RNF14: variants seen among roughly 807,000 people sequenced by gnomAD.
The protein encoded by RNF14 is ring finger protein 14.
RNF14 carries 26 observed loss-of-function variants against 52.6 expected under a neutral mutation model. The ratio of observed to expected loss-of-function variants is 0.49; its 90% CI spans 0.36 to 0.69. The LOEUF (loss-of-function observed/expected upper bound fraction) is 0.69, where lower values mean the gene tolerates loss of function less well. Ranked by LOEUF, RNF14 falls within the 30% of genes least tolerant of loss-of-function variation. The pLI is 0.00. For missense variants in RNF14, 404 were observed against 560.4 expected (o/e 0.72, Z 2.82); for synonymous variants, 194 against 202.0 (o/e 0.96, Z 0.34).
chr5:141,963,549 A>G (rs1421663778), upstream of RNF14, among the ~76,000 whole-genome samples: 2 of 152,200 alleles, frequency 1.3e-5, no homozygotes, highest in East Asian at 3.8e-4. Flanking sequence ...GGGTGACTCC[A>G]AGATCGAACT....
At chr5:141,968,397 A>G (rs1463561918), upstream of RNF14, among the ~76,000 whole-genome samples, 1 of 152,034 alleles carries the variant, frequency 6.6e-6, no homozygotes, top group Non-Finnish European at 1.5e-5. Context: ...GAGCCACCGC[A>G]CCCGGCCTTC....
rs1311084699 is a variant in RNF14 at position 141,978,536 on chromosome 5, G to A, written c.540G>A (p.Glu180=). ...CTGCTGGATCTGATGTAGACCAAGA[G>A]GAAATTGTGGATGAGAGAGCAGTGC... is the stretch of plus-strand genomic sequence containing the variant. ...GGAAGSDVDQ[E]EIVDERAVQD... The change falls in exon 5 of 9, where the codon GAG becomes GAA. Residue 180 remains glutamate (E), a synonymous_variant. Transcript: ENST00000394520. 6.2e-7 allele frequency: 1 copy of A among 1,614,156 alleles called. No homozygotes were observed.
chr5:141,963,559 T>C (rs1204315522), upstream of RNF14, among the ~76,000 whole-genome samples: 2 of 152,224 alleles, frequency 1.3e-5, no homozygotes, highest in African/African-American at 4.8e-5. Context: ...AAGATCGAAC[T>C]GTTTTACACG....
upstream of RNF14, chr5:141,955,821 T>G: frequency 6.2e-7 from 1 of 1,613,998 alleles, no homozygotes; most frequent in Non-Finnish European, 8.5e-7. The surrounding 1 kb of genome is among the most constrained non-coding windows in gnomAD (Gnocchi z 5.5). Context: ...CCTGGTCCTC[T>G]ACTACTATCT....
chr5:141,972,384 C>G (rs1391409272), intron 2 of RNF14, among the ~76,000 whole-genome samples: 1 of 151,934 alleles, frequency 6.6e-6, no homozygotes, highest in African/African-American at 2.4e-5. Flanking sequence ...CAAGCACCAC[C>G]ACACCTGGCT....
upstream of RNF14, chr5:141,956,768 G>A: frequency 2.5e-6 from 4 of 1,614,244 alleles, no homozygotes; most frequent in Non-Finnish European, 3.4e-6. Flanking sequence ...TCTGACACCA[G>A]TGATGGCTGG....
upstream of RNF14, among the ~76,000 whole-genome samples, chr5:141,965,298 A>G (rs941073039): frequency 6.6e-6 from 1 of 152,144 alleles, no homozygotes; most frequent in Admixed American, 6.5e-5. Flanking sequence ...TAACCCCTAT[A>G]GTGACAAGCC....
upstream of RNF14, chr5:141,955,533 T>G: frequency 6.2e-7 from 1 of 1,614,194 alleles, no homozygotes; most frequent in South Asian, 1.1e-5. The surrounding 1 kb of genome is among the most constrained non-coding windows in gnomAD (Gnocchi z 5.5). Flanking sequence ...GGTGGATGTC[T>G]GCCTTCTGAA....
chr5:141,958,078 C>T, upstream of RNF14: 1 of 564,978 alleles, frequency 1.8e-6, no homozygotes, highest in South Asian at 2.3e-5. Flanking sequence ...CAAGAATTGC[C>T]AGGGGAGACC....
chr5:141,960,073 AT>A (rs1753247934), intron 1 of RNF14, among the ~76,000 whole-genome samples: 1 of 152,116 alleles, frequency 6.6e-6, no homozygotes, highest in Admixed American at 6.5e-5. Flanking sequence ...CAGGAATCCC[AT>A]TTCTCAGGTC....
intron 8 of RNF14, 89 bp downstream of exon 8, chr5:141,985,022 G>A (rs985415585): frequency 3.4e-6 from 4 of 1,162,808 alleles, no homozygotes; most frequent in African/African-American, 3.1e-5. Flanking sequence ...TTAAGTACTT[G>A]GACTTATTTA....
Position 141,974,829 on chromosome 5 carries a change from TA to T in RNF14, c.181del (p.Ser61ValfsTer15), listed in dbSNP as rs1754105620. On this transcript the variant is annotated frameshift_variant, in exon 4 of 9. Transcript: ENST00000394520. LOFTEE classifies it high-confidence loss of function. ...SGNSNECLQN[S>X]GFEYTICFLP... ...GCAATTCAAATGAGTGTCTCCAGAA[TA>T]GTGGCTTTGAATACACCATTTGCTT... 1 of 1,613,940 alleles carries T rather than the reference TA, an allele frequency of 6.2e-7. No homozygotes were observed. The highest frequency in any genetic ancestry group is 8.5e-7 in the Non-Finnish European group (1 of 1,179,942).
the RNF14 span, chr5:141,949,438 T>TG: frequency 1.2e-6 from 2 of 1,613,230 alleles, no homozygotes; most frequent in Non-Finnish European, 1.7e-6. Context: ...CTACCTGTGC[T>TG]GGGGTCCAGC....
At chr5:141,956,276 C>T (rs1229402865), upstream of RNF14, 1 of 1,614,100 alleles carries the variant, frequency 6.2e-7, no homozygotes, top group African/African-American at 1.3e-5. Context: ...GCCATCTCTT[C>T]ATAGTTCAGT....
chr5:141,968,168 G>A (rs1454447319), upstream of RNF14, among the ~76,000 whole-genome samples: 5 of 150,124 alleles, frequency 3.3e-5, no homozygotes, highest in Admixed American at 2.6e-4. Flanking sequence ...CTAGGCTGGA[G>A]TGCAGTGACT....
rs905729554 is a variant in RNF14 at position 141,978,287 on chromosome 5, A to G, written c.307-16A>G. ...TCTTTCCAAACTCACCAACATCTTC[A>G]TGTGTTTTCTCCTAGCTATCTGCTC... On this transcript the variant is annotated splice_polypyrimidine_tract_variant and intron_variant, in intron 4 of 8. Transcript: ENST00000394520. 2 of 1,545,254 alleles carry G rather than the reference A, an allele frequency of 1.3e-6. No homozygotes were observed. Among genetic ancestry groups the G allele is most frequent in the Non-Finnish European group, 1.7e-6 (2 of 1,145,972 alleles).
intron 1 of RNF14, chr5:141,969,624 G>A (rs1371350255): frequency 1.3e-5 from 2 of 152,310 alleles, no homozygotes; most frequent in African/African-American, 4.8e-5. Context: ...TGAGGTACTG[G>A]ATTCCAAGTG....
At chr5:141,966,240 T>C (rs7734658), upstream of RNF14, among the ~76,000 whole-genome samples, 27,763 of 152,068 alleles carry the variant, frequency 0.18, 2,805 homozygotes, top group African/African-American at 0.25. Flanking sequence ...TGAGCTGAGA[T>C]TGTGCCACTG....
At chr5:141,977,038 G>A (rs1265992343) in intron 4 of RNF14, among the ~76,000 whole-genome samples, 13 of 152,240 alleles carry the variant, frequency 8.5e-5, no homozygotes, top group South Asian at 8.3e-4. Flanking sequence ...TGATCCACCC[G>A]CCTTGGCCTC....
Sources: allele counts gnomAD v4.1 joint callset (sites outside exome capture counted in the v4.1 genomes callset), GRCh38; gene constraint gnomAD v4.1.1; non-coding constraint Gnocchi (gnomAD v3.1); transcripts MANE v1.5; gene names NCBI Gene and HGNC (gene_info 2026-07-23, HGNC 2026-07-21).